The following LDLRAD4 variants were observed in gnomAD, a reference collection of about 807,000 sequenced individuals.
LDLRAD4 encodes low-density lipoprotein receptor class A domain-containing protein 4.
Under a neutral mutation model 17.0 loss-of-function variants are expected in LDLRAD4, and 5 were observed. The observed-to-expected ratio is 0.29, with a 90% CI of 0.15 to 0.62. The LOEUF is 0.62. LDLRAD4 is among the 20% of genes least tolerant of loss of function. The pLI is 0.84. For synonymous variants in LDLRAD4, 168 were observed against 171.8 expected (o/e 0.98, Z 0.17); for missense variants, 340 against 424.7 (o/e 0.80, Z 1.75).
chr18:13,473,175 G>T (rs2092825148), intron 3 of LDLRAD4, among the ~76,000 whole-genome samples: 1 of 152,028 alleles, frequency 6.6e-6, no homozygotes, highest in Non-Finnish European at 1.5e-5. Flanking sequence ...CATACATCAG[G>T]TGAGTTATGT....
At chr18:13,324,262 C>G (rs2081399176) in intron 1 of LDLRAD4, among the ~76,000 whole-genome samples, 1 of 151,550 alleles carries the variant, frequency 6.6e-6, no homozygotes, top group South Asian at 2.1e-4. Context: ...CTCAGCCTCC[C>G]CAGTAGCTGG....
At chr18:13,584,636 T>C (rs2094910991) in intron 3 of LDLRAD4, among the ~76,000 whole-genome samples, 1 of 152,220 alleles carries the variant, frequency 6.6e-6, no homozygotes, top group Admixed American at 6.5e-5. Context: ...TCATTTCTTG[T>C]TAACTGTGCA....
At chr18:13,626,862 A>T (rs57366052) in intron 4 of LDLRAD4, among the ~76,000 whole-genome samples, 8,400 of 152,288 alleles carry the variant, frequency 0.055, 735 homozygotes, top group African/African-American at 0.18. Context: ...GTGCCCTGAC[A>T]TGGGGTGAGC....
intron 1 of LDLRAD4, among the ~76,000 whole-genome samples, chr18:13,254,413 T>C (rs562057478): frequency 6.6e-6 from 1 of 152,136 alleles, no homozygotes; most frequent in South Asian, 2.1e-4. Flanking sequence ...GACTGGGCAG[T>C]TTGGGGGTTG....
At position 13,232,468 on chromosome 18, in the gene LDLRAD4, G is replaced by T; in HGVS notation, c.-467+13480G>T. On this transcript the variant is annotated intron_variant, in intron 1 of 5. Transcript: ENST00000399848. Reference sequence around the variant, plus strand: ...TTCAACAAAATCACCTTCCTTCCCCGCGTGGCCTTGTCCGGGGGCTGCTGC... The same window carrying T: ...TTCAACAAAATCACCTTCCTTCCCCTCGTGGCCTTGTCCGGGGGCTGCTGC... 2.0e-5 allele frequency among the ~76,000 whole-genome samples: 3 copies of T among 150,172 alleles called. No homozygotes were observed. The South Asian group carries it at 6.2e-4, about 31-fold the overall frequency.
intron 1 of LDLRAD4, among the ~76,000 whole-genome samples, chr18:13,363,997 CAT>C (rs2083876884): frequency 6.6e-6 from 1 of 152,100 alleles, no homozygotes; most frequent in African/African-American, 2.4e-5. Context: ...AAGTAGTAAA[CAT>C]AAATTTTAAA....
At chr18:13,422,977 G>A (rs2089624871) in intron 2 of LDLRAD4, among the ~76,000 whole-genome samples, 1 of 152,150 alleles carries the variant, frequency 6.6e-6, no homozygotes, top group Non-Finnish European at 1.5e-5. Flanking sequence ...GGGGAGTCTA[G>A]CAGGCTCTGG....
chr18:13,433,852 C>G (rs1255206302), intron 2 of LDLRAD4, among the ~76,000 whole-genome samples: 1 of 152,182 alleles, frequency 6.6e-6, no homozygotes, highest in Non-Finnish European at 1.5e-5. Flanking sequence ...CCTTTCTCCT[C>G]TCGCACATGG....
chr18:13,582,342 G>C (rs2094873045), intron 3 of LDLRAD4, among the ~76,000 whole-genome samples: 1 of 152,350 alleles, frequency 6.6e-6, no homozygotes, highest in African/African-American at 2.4e-5. Flanking sequence ...GACCATAAGT[G>C]GGCATCCCAG....
intron 2 of LDLRAD4, among the ~76,000 whole-genome samples, chr18:13,394,635 G>A (rs188611745): frequency 1.3e-5 from 2 of 152,312 alleles, no homozygotes; most frequent in East Asian, 1.9e-4. Flanking sequence ...GGGAGACTTC[G>A]TGATGGTGAC....
chr18:13,339,175 A>T (rs954842606), intron 1 of LDLRAD4, among the ~76,000 whole-genome samples: 1 of 151,486 alleles, frequency 6.6e-6, no homozygotes, highest in African/African-American at 2.4e-5. Context: ...TGAGCACATA[A>T]TCTCTTTAAA....
At chr18:13,290,942 C>G (rs1173267287) in intron 1 of LDLRAD4, among the ~76,000 whole-genome samples, 1 of 152,246 alleles carries the variant, frequency 6.6e-6, no homozygotes, top group Non-Finnish European at 1.5e-5. Flanking sequence ...GAGAGAAAGG[C>G]AGCTCTGCCC....
chr18:13,277,562 C>T (rs2044962359), upstream of LDLRAD4, among the ~76,000 whole-genome samples: 1 of 152,240 alleles, frequency 6.6e-6, no homozygotes, highest in Non-Finnish European at 1.5e-5. Flanking sequence ...GCCTTGCAGG[C>T]AGAGTCACGA....
At chr18:13,404,169 G>A (rs567123771) in intron 2 of LDLRAD4, among the ~76,000 whole-genome samples, 8 of 152,224 alleles carry the variant, frequency 5.3e-5, no homozygotes, top group Admixed American at 3.9e-4. Context: ...GCTGGGAGGC[G>A]CCCTGGAGGA....
intron 3 of LDLRAD4, among the ~76,000 whole-genome samples, chr18:13,564,525 C>G (rs1400221883): frequency 6.9e-6 from 1 of 144,696 alleles, no homozygotes; most frequent in Admixed American, 7.1e-5. Context: ...ACCTGCTCTC[C>G]TTGGTTTTTC....
chr18:13,449,842 C>G (rs1230431393), intron 3 of LDLRAD4, among the ~76,000 whole-genome samples: 1 of 152,182 alleles, frequency 6.6e-6, no homozygotes, highest in Non-Finnish European at 1.5e-5. Flanking sequence ...TGCATGCCAG[C>G]TGTTCTCCCT....
At chr18:13,254,540 A>G (rs934644224) in intron 1 of LDLRAD4, among the ~76,000 whole-genome samples, 9 of 152,200 alleles carry the variant, frequency 5.9e-5, no homozygotes, top group Admixed American at 5.9e-4. Flanking sequence ...GCGACCCTCC[A>G]TGCTTCTGCC....
At chr18:13,271,039 A>G (rs1286121090) in intron 1 of LDLRAD4, among the ~76,000 whole-genome samples, 2 of 152,248 alleles carry the variant, frequency 1.3e-5, no homozygotes, top group East Asian at 3.8e-4. Context: ...GATCAAACAT[A>G]GTTTAATGGA....
intron 2 of LDLRAD4, among the ~76,000 whole-genome samples, chr18:13,426,637 G>T (rs2089961538): frequency 6.6e-6 from 1 of 152,160 alleles, no homozygotes; most frequent in African/African-American, 2.4e-5. Flanking sequence ...CCAGCCTTGA[G>T]TGTTATCAGT....
Sources: allele counts gnomAD v4.1 joint callset (sites outside exome capture counted in the v4.1 genomes callset), GRCh38; gene constraint gnomAD v4.1.1; transcripts MANE v1.5; gene names NCBI Gene and HGNC (gene_info 2026-07-23, HGNC 2026-07-21).